The following ADCY8 variants were observed in gnomAD, a reference collection of about 807,000 sequenced individuals.
ADCY8 encodes adenylate cyclase type 8.
In ADCY8, 51 loss-of-function variants were observed where a neutral mutation model predicts 119.7. That is an observed-to-expected ratio of 0.43 (90% confidence interval 0.34 to 0.54). ADCY8 has a LOEUF of 0.54. Ranked by LOEUF, ADCY8 falls within the 20% of genes least tolerant of loss-of-function variation. The probability of loss-of-function intolerance (pLI) is 0.03; values close to 1 mark genes in which losing one functional copy is unlikely to be tolerated. For synonymous variants in ADCY8, 665 were observed against 651.0 expected (o/e 1.02, Z -0.33); for missense variants, 1,383 against 1,598.8 (o/e 0.87, Z 2.30).
At chr8:130,847,778 G>A (rs528336003) in intron 10 of ADCY8, among the ~76,000 whole-genome samples, 189 of 152,244 alleles carry the variant, frequency 1.2e-3, no homozygotes, top group African/African-American at 4.3e-3. Context: ...TGCTCTGTTG[G>A]CCCCATCATT....
intron 11 of ADCY8, among the ~76,000 whole-genome samples, chr8:130,836,852 G>A (rs1330284868): frequency 6.6e-6 from 1 of 152,128 alleles, no homozygotes; most frequent in Non-Finnish European, 1.5e-5. Context: ...TCCCACCTCA[G>A]CTTCCCCAAT....
chr8:130,827,860 A>T (rs541214422), intron 12 of ADCY8, among the ~76,000 whole-genome samples: 1 of 152,268 alleles, frequency 6.6e-6, no homozygotes, highest in East Asian at 1.9e-4. Flanking sequence ...AATCAAATCA[A>T]TAACAGGCAT....
chr8:130,866,231 T>C (rs903979911), intron 9 of ADCY8, among the ~76,000 whole-genome samples: 5 of 152,138 alleles, frequency 3.3e-5, no homozygotes, highest in Non-Finnish European at 7.4e-5. Context: ...ATATACCATC[T>C]GTCCCATCAT....
intron 15 of ADCY8, among the ~76,000 whole-genome samples, chr8:130,799,629 C>G (rs913411651): frequency 1.3e-5 from 2 of 152,206 alleles, no homozygotes; most frequent in African/African-American, 4.8e-5. Flanking sequence ...GCTGGAAATG[C>G]CTGGGAGGCT....
chr8:130,859,790 C>G (rs763409767), intron 9 of ADCY8, among the ~76,000 whole-genome samples: 9 of 152,172 alleles, frequency 5.9e-5, no homozygotes, highest in Non-Finnish European at 1.3e-4. Flanking sequence ...TGGACTTCAT[C>G]TCTTTTATTC....
At position 131,000,986 on chromosome 8, in the gene ADCY8, A is replaced by C. The variant is rs571315786; in HGVS notation, c.961-10444T>G. On this transcript the variant is annotated intron_variant, in intron 1 of 17. Transcript: ENST00000286355. ...ATGCATCGTAAAAAATAGTTACTTC[A>C]TTCAGTTAAGACGTTCATGGAGCAT... Among the ~76,000 whole-genome samples the C allele has an allele frequency of 2.0e-5, 3 of 152,218 alleles. No homozygotes were observed. In the East Asian group the frequency reaches 5.8e-4, roughly 29 times the overall value.
chr8:130,829,707 T>G (rs1412744727), intron 12 of ADCY8, among the ~76,000 whole-genome samples: 1 of 152,240 alleles, frequency 6.6e-6, no homozygotes, highest in Non-Finnish European at 1.5e-5. Flanking sequence ...ATGTCTTACA[T>G]GGTCTATGGT....
rs951435072 is a variant in ADCY8 at position 130,972,656 on chromosome 8, C to A, written c.1110+17737G>T. The stretch of plus-strand genomic sequence containing the variant: ...CTTAGGGCCAGCTTATATTTATAAA[C>A]CTGTTTTGTTCATTTAAAATGAATA... On this transcript the variant is annotated intron_variant, in intron 2 of 17. Transcript: ENST00000286355. Among the ~76,000 whole-genome samples, 15 of 152,222 alleles carry A rather than the reference C, an allele frequency of 9.9e-5. 1 individual carries two copies. In the East Asian group the frequency reaches 2.7e-3, roughly 27 times the overall value.
At chr8:130,891,740 A>G (rs775891083) in intron 7 of ADCY8, among the ~76,000 whole-genome samples, 5 of 152,122 alleles carry the variant, frequency 3.3e-5, no homozygotes, top group Non-Finnish European at 5.9e-5. Context: ...TTGAGTAAAC[A>G]TTGACTTGGG....
At chr8:130,817,696 A>AC (rs1453566815) in intron 13 of ADCY8, among the ~76,000 whole-genome samples, 4 of 152,222 alleles carry the variant, frequency 2.6e-5, no homozygotes, top group Non-Finnish European at 5.9e-5. Flanking sequence ...ACACTTAAAA[A>AC]CCAGAACCTC....
At chr8:130,992,676 A>T (rs1831321) in intron 1 of ADCY8, among the ~76,000 whole-genome samples, 66,977 of 151,212 alleles carry the variant, frequency 0.44, 15,159 homozygotes, top group East Asian at 0.79. Context: ...GGGCCTCCCA[A>T]AGTGCTGGGA....
chr8:130,863,633 T>C (rs1019769906), intron 9 of ADCY8, among the ~76,000 whole-genome samples: 5 of 152,126 alleles, frequency 3.3e-5, no homozygotes, highest in Non-Finnish European at 1.5e-5. Flanking sequence ...ATTTCTCTCT[T>C]TAAAAACGTT....
chr8:130,831,266 C>T (rs189587637), intron 12 of ADCY8, among the ~76,000 whole-genome samples: 115 of 152,236 alleles, frequency 7.6e-4, no homozygotes, highest in African/African-American at 2.7e-3. Context: ...TTTCATTCTG[C>T]AAATATTTAA....
intron 2 of ADCY8, among the ~76,000 whole-genome samples, chr8:130,954,276 G>A (rs1341335273): frequency 6.6e-6 from 1 of 152,206 alleles, no homozygotes. Context: ...AGGTGGTGAT[G>A]CAGCACATAT....
At chr8:131,012,930 C>T (rs1823356788) in intron 1 of ADCY8, among the ~76,000 whole-genome samples, 1 of 152,200 alleles carries the variant, frequency 6.6e-6, no homozygotes, top group Non-Finnish European at 1.5e-5. Flanking sequence ...TCAGAGTCTG[C>T]TTCTCAGAAG....
At position 131,039,689 on chromosome 8, in the gene ADCY8, C is replaced by A. The variant is rs776622874; in HGVS notation, c.645G>T (p.Leu215=). 1.9e-6 allele frequency: 3 copies of A among 1,614,012 alleles called. No individual in the cohort carries two copies. The South Asian group carries it at 3.3e-5, about 18-fold the overall frequency. Residue 215 remains leucine, a synonymous_variant, in exon 1 of 18, where the codon CTG becomes CTT. Coordinates refer to ENST00000286355, the MANE Select transcript of ADCY8 (RefSeq NM_001115.3). Reference sequence around the variant, plus strand: ...CCTCAATGCCGGTGAAGAAGCCCAGCAGGATGCCCTTGAGCGGGTCCATGG... The same window carrying A: ...CCTCAATGCCGGTGAAGAAGCCCAGAAGGATGCCCTTGAGCGGGTCCATGG... ...SAPMDPLKGI[L]LGFFTGIEVV... is the part of the protein sequence containing the mutation.
At chr8:130,992,735 T>C (rs960017049) in intron 1 of ADCY8, among the ~76,000 whole-genome samples, 4 of 152,022 alleles carry the variant, frequency 2.6e-5, no homozygotes. Context: ...TTTTAAATGA[T>C]TTATGAAAAG....
At chr8:130,968,087 GT>G (rs1406352448) in intron 2 of ADCY8, among the ~76,000 whole-genome samples, 6 of 152,136 alleles carry the variant, frequency 3.9e-5, no homozygotes, top group Non-Finnish European at 8.8e-5. Context: ...AGAATGAAGA[GT>G]GGTCTGTACT....
intron 2 of ADCY8, among the ~76,000 whole-genome samples, chr8:130,968,740 G>A (rs939292055): frequency 6.6e-6 from 1 of 151,738 alleles, no homozygotes; most frequent in East Asian, 1.9e-4. Context: ...ATGAAATAAA[G>A]AGGAAGGCAC....
Sources: gnomAD v4.1 joint callset for allele counts (sites outside exome capture counted in the v4.1 genomes callset) on GRCh38, gnomAD v4.1.1 for gene constraint, MANE v1.5 for transcripts, NCBI Gene and HGNC (gene_info 2026-07-23, HGNC 2026-07-21) for gene names.